TFDP2: variants seen among roughly 807,000 people sequenced by gnomAD.
TFDP2 encodes transcription factor Dp-2 (E2F dimerization partner 2).
A neutral mutation model predicts 59.3 loss-of-function variants in TFDP2; 17 were observed. The ratio of observed to expected loss-of-function variants is 0.29; its 90% CI spans 0.20 to 0.43. TFDP2 has a LOEUF of 0.43. Ranked by LOEUF, TFDP2 falls within the 20% of genes least tolerant of loss-of-function variation. The pLI, the probability that TFDP2 is intolerant of heterozygous loss-of-function variation, is 1.00. For missense variants in TFDP2, 391 were observed against 528.8 expected (o/e 0.74, Z 2.56); for synonymous variants, 180 against 194.7 (o/e 0.92, Z 0.63).
intron 3 of TFDP2, among the ~76,000 whole-genome samples, chr3:142,015,689 T>C (rs539405140): frequency 1.2e-4 from 18 of 152,314 alleles, no homozygotes; most frequent in African/African-American, 4.3e-4. Context: ...CACAACTCTA[T>C]TTCCATGCTC....
intron 1 of TFDP2, 127 bp downstream of exon 1, chr3:142,149,056 A>G (rs1435559821): frequency 1.3e-5 from 5 of 393,070 alleles, no homozygotes; most frequent in Non-Finnish European, 1.8e-5. Flanking sequence ...CCCAGGTCTA[A>G]ACAGATGGGA....
chr3:142,076,671 A>G (rs1416659197), intron 3 of TFDP2, among the ~76,000 whole-genome samples: 1 of 152,232 alleles, frequency 6.6e-6, no homozygotes, highest in Non-Finnish European at 1.5e-5. Flanking sequence ...TAGCTTAACA[A>G]TATGTTCCTC....
chr3:142,087,644 G>C (rs986903238), intron 3 of TFDP2, among the ~76,000 whole-genome samples: 1 of 151,614 alleles, frequency 6.6e-6, no homozygotes, highest in African/African-American at 2.4e-5. Flanking sequence ...GGGACTACAG[G>C]TACACGCCAC....
In TFDP2 at chr3:141,945,652, G is replaced by C. The variant is rs1378328067; in HGVS notation, c.*6861C>G. The C allele has an allele frequency of 6.6e-6, 1 of 152,234 alleles. No individual in the cohort carries two copies. Among genetic ancestry groups the C allele is most frequent in the African/African-American group, 2.4e-5 (1 of 41,446 alleles). 9.4% of individuals were successfully genotyped at this position (152,234 alleles called of 1,614,324 possible). ...CCCAGAGGAGCTATTCAGGAGAAAA[G>C]TAGCCCCATTGTCAGTGACGTTTTA... On this transcript the variant is annotated 3_prime_UTR_variant, in exon 13 of 13. Transcript: ENST00000489671.
intron 1 of TFDP2, among the ~76,000 whole-genome samples, chr3:142,146,851 T>A (rs73236050): frequency 0.084 from 12,765 of 152,142 alleles, 660 homozygotes; most frequent in Middle Eastern, 0.14. Context: ...ATAAGTATCT[T>A]CAAATAGTTG....
At chr3:142,028,638 C>T in intron 3 of TFDP2, 1 of 985,310 alleles carries the variant, frequency 1.0e-6, no homozygotes, top group Non-Finnish European at 1.2e-6. Flanking sequence ...GTCTTTGTTA[C>T]CATTCAGTGG....
At chr3:142,024,210 C>T (rs1945887275) in intron 3 of TFDP2, among the ~76,000 whole-genome samples, 1 of 152,124 alleles carries the variant, frequency 6.6e-6, no homozygotes, top group African/African-American at 2.4e-5. Context: ...CCAAGAGTTG[C>T]CAAATTTTCA....
chr3:141,997,898 G>A (rs965897969), intron 4 of TFDP2, among the ~76,000 whole-genome samples: 2 of 150,474 alleles, frequency 1.3e-5, no homozygotes, highest in Non-Finnish European at 3.0e-5. Flanking sequence ...AAGAGAGAAG[G>A]AAGGGAAAGA....
At chr3:142,072,412 C>T (rs1488932929) in intron 3 of TFDP2, among the ~76,000 whole-genome samples, 1 of 152,136 alleles carries the variant, frequency 6.6e-6, no homozygotes, top group Non-Finnish European at 1.5e-5. Context: ...CTATGAAAGA[C>T]TAAGAAAATG....
chr3:141,993,056 C>T (rs1168938651), intron 6 of TFDP2, among the ~76,000 whole-genome samples: 1 of 150,636 alleles, frequency 6.6e-6, no homozygotes, highest in Non-Finnish European at 1.5e-5. Flanking sequence ...AAAACTTAGC[C>T]GGGTGTGGTG....
At chr3:142,041,806 T>A (rs1292025711) in intron 3 of TFDP2, among the ~76,000 whole-genome samples, 1 of 152,194 alleles carries the variant, frequency 6.6e-6, no homozygotes, top group Non-Finnish European at 1.5e-5. Flanking sequence ...TTACATTAGG[T>A]CTATGATCCC....
intron 8 of TFDP2, 54 bp downstream of exon 8, chr3:141,973,994 C>A (rs1163323857): frequency 2.6e-6 from 4 of 1,527,572 alleles, no homozygotes; most frequent in Non-Finnish European, 3.5e-6. Context: ...AATTAAAATG[C>A]CTGTGATGTA....
chr3:142,016,576 C>T (rs1315930095), intron 3 of TFDP2, among the ~76,000 whole-genome samples: 1 of 152,222 alleles, frequency 6.6e-6, no homozygotes, highest in African/African-American at 2.4e-5. Flanking sequence ...GCTGGGATTA[C>T]AGGCATGAGC....
rs1190634613 is a variant in TFDP2, at chr3:141,949,286, A to C, written c.*3227T>G. 1 of 152,100 alleles carries C rather than the reference A, an allele frequency of 6.6e-6. No individual in the cohort carries two copies. Among genetic ancestry groups the C allele is most frequent in the Non-Finnish European group, 1.5e-5 (1 of 68,016 alleles). 9.4% of individuals were successfully genotyped at this position (152,100 alleles called of 1,614,324 possible). On this transcript the variant is annotated 3_prime_UTR_variant, in exon 13 of 13. Transcript: ENST00000489671. Reference sequence around the variant, plus strand: ...CTTCCCAGCACTTCTTTAAAGAATTAAATTGAAGGACGCCAAACTTGTGGC... The same window carrying C: ...CTTCCCAGCACTTCTTTAAAGAATTCAATTGAAGGACGCCAAACTTGTGGC...
intron 1 of TFDP2, among the ~76,000 whole-genome samples, chr3:142,119,698 T>A (rs1481461829): frequency 6.6e-6 from 1 of 152,034 alleles, no homozygotes; most frequent in Non-Finnish European, 1.5e-5. Context: ...ACAATGATTT[T>A]GCCTGTGAAC....
intron 3 of TFDP2, among the ~76,000 whole-genome samples, chr3:142,010,700 G>A (rs897149845): frequency 1.3e-5 from 2 of 150,372 alleles, no homozygotes; most frequent in Non-Finnish European, 3.0e-5. Flanking sequence ...TCTGACAAAG[G>A]GCTAATATCC....
chr3:142,070,629 G>A (rs144656207), intron 3 of TFDP2, among the ~76,000 whole-genome samples: 36 of 152,120 alleles, frequency 2.4e-4, no homozygotes, highest in Admixed American at 5.2e-4. Context: ...GTTGAGTACC[G>A]TTACATATGT....
chr3:142,099,428 G>A (rs538447849), intron 2 of TFDP2, among the ~76,000 whole-genome samples: 1 of 152,090 alleles, frequency 6.6e-6, no homozygotes, highest in East Asian at 1.9e-4. Context: ...CGGGCCAGGC[G>A]CGGTGGCTCA....
In TFDP2 at chr3:141,993,679, C is replaced by G. The variant is rs2108186526; in HGVS notation, c.309-94G>C. 9.2e-6 allele frequency: 6 copies of G among 653,060 alleles called. No homozygotes were observed. The South Asian group carries it at 1.5e-4, about 17-fold the overall frequency. 40.5% of individuals were successfully genotyped at this position (653,060 alleles called of 1,614,324 possible). ...ATTATAACTTGTCTAAAATTATACA[C>G]TGAATATATTCAAAGACTAAAACTA... On this transcript the variant is annotated intron_variant, in intron 5 of 12. Transcript: ENST00000489671.
Sources: gnomAD v4.1 joint callset for allele counts (sites outside exome capture counted in the v4.1 genomes callset) on GRCh38, gnomAD v4.1.1 for gene constraint, MANE v1.5 for transcripts, NCBI Gene and HGNC (gene_info 2026-07-23, HGNC 2026-07-21) for gene names.